The following GSE1 variants were observed in gnomAD, a reference collection of about 807,000 sequenced individuals.
GSE1 encodes the protein genetic suppressor element 1.
In GSE1, 32 loss-of-function variants were observed where a neutral mutation model predicts 112.6. The ratio of observed to expected loss-of-function variants is 0.28; its 90% CI spans 0.21 to 0.38. The LOEUF is 0.38. Ranked by LOEUF, GSE1 falls within the 10% of genes least tolerant of loss-of-function variation. The probability of loss-of-function intolerance (pLI) is 1.00; values close to 1 mark genes in which losing one functional copy is unlikely to be tolerated. For missense variants in GSE1, 2,348 were observed against 1,699.2 expected (o/e 1.38, Z -6.71); for synonymous variants, 1,115 against 735.6 (o/e 1.52, Z -8.35).
chr16:85,422,774 G>A (rs2048881041), intron 2 of GSE1, among the ~76,000 whole-genome samples: 1 of 152,060 alleles, frequency 6.6e-6, no homozygotes, highest in Admixed American at 6.6e-5. Flanking sequence ...GGGGTTTGGG[G>A]GCGCTGCTGC....
intron 2 of GSE1, among the ~76,000 whole-genome samples, chr16:85,380,581 C>T (rs1211326547): frequency 6.6e-6 from 1 of 152,102 alleles, no homozygotes; most frequent in East Asian, 1.9e-4. Context: ...TCTCATCCCT[C>T]ATGGTCGAGG....
chr16:85,663,575 A>G lies in GSE1; in HGVS notation c.2605A>G (p.Ile869Val), dbSNP rs777518874. 2 of 1,614,004 alleles carry G rather than the reference A, an allele frequency of 1.2e-6. No homozygotes were observed. The highest frequency in any genetic ancestry group is 1.1e-5 in the South Asian group (1 of 91,078). Residue 869 changes from isoleucine (I) to valine (V), a missense_variant, in exon 11 of 16, where the codon ATC becomes GTC. Transcript: ENST00000253458. ...CGAAGAAAAGAAGAAGTTCCTGACC[A>G]TCTTCAACCTGACCCACATCAGCGC... ...NFEEKKKFLT[I>V]FNLTHISAEK... is the part of the protein sequence containing the mutation.
chr16:85,269,784 C>T (rs559927315), intron 1 of GSE1, among the ~76,000 whole-genome samples: 1 of 149,322 alleles, frequency 6.7e-6, no homozygotes, highest in Non-Finnish European at 1.5e-5. Context: ...GGTCTCTGGG[C>T]TCCTCCCCTG....
chr16:85,645,453 C>T (rs1383868416), intron 2 of GSE1, among the ~76,000 whole-genome samples: 1 of 152,150 alleles, frequency 6.6e-6, no homozygotes, highest in Admixed American at 6.5e-5. Flanking sequence ...ATTAAAGAGG[C>T]CCAGATACCG....
rs2053037919 is a variant in GSE1 at position 85,668,207 on chromosome 16, T to G, written c.3198T>G (p.Pro1066=). 6.2e-7 allele frequency: 1 copy of G among 1,610,850 alleles called. No homozygotes were observed. Among genetic ancestry groups the G allele is most frequent in the Non-Finnish European group, 8.5e-7 (1 of 1,177,222 alleles). ...KVDTSVHYNI[P]ELQSSSRAPP... ...ACACGTCCGTCCACTACAACATTCCTGAGCTGCAGTCCTCCAGCCGCGCCC... is the reference window on the plus strand; with the variant it reads ...ACACGTCCGTCCACTACAACATTCCGGAGCTGCAGTCCTCCAGCCGCGCCC... Residue 1066 remains proline (P), a synonymous_variant, in exon 14 of 16, where the codon CCT becomes CCG. Coordinates refer to ENST00000253458, the MANE Select transcript of GSE1 (RefSeq NM_014615.5).
rs182356720 is a variant in GSE1, at chr16:85,349,861, A to G, written c.2284-7602A>G. 1.1e-4 allele frequency among the ~76,000 whole-genome samples: 17 copies of G among 152,174 alleles called. No individual in the cohort carries two copies. The East Asian group carries it at 3.3e-3, about 29-fold the overall frequency. On this transcript the variant is annotated intron_variant, in intron 1 of 2. Coordinates refer to the GSE1 transcript ENST00000637419. ...TGCCATTCACCAGCAGCACAAACCTACTTGCCCCAGAGTGCGGCCTGGGTT... is the reference window on the plus strand; with the variant it reads ...TGCCATTCACCAGCAGCACAAACCTGCTTGCCCCAGAGTGCGGCCTGGGTT...
At chr16:85,402,670 C>A (rs1422429562) in intron 2 of GSE1, among the ~76,000 whole-genome samples, 1 of 152,174 alleles carries the variant, frequency 6.6e-6, no homozygotes, top group Admixed American at 6.5e-5. Context: ...ACCTGTAATC[C>A]TAGCATTTCA....
intron 2 of GSE1, among the ~76,000 whole-genome samples, chr16:85,391,092 C>T (rs775784204): frequency 2.0e-5 from 3 of 152,142 alleles, no homozygotes; most frequent in Non-Finnish European, 2.9e-5. Context: ...GCACCGCCCC[C>T]CCACCGCCCC....
rs2048999072 is a variant in GSE1, at chr16:85,625,325, C to G, written c.8-8589C>G. On this transcript the variant is annotated intron_variant, in intron 1 of 15. Transcript: ENST00000253458. ...GTCCCTCGCCTCCATCCGGGAACCT[C>G]CGGGACCAGTCCGTGGCCGTGAACC... Among the ~76,000 whole-genome samples, 3 of 152,372 alleles carry G rather than the reference C, an allele frequency of 2.0e-5. No individual in the cohort carries two copies. The South Asian group carries it at 6.2e-4, about 32-fold the overall frequency.
intron 1 of GSE1, among the ~76,000 whole-genome samples, chr16:85,344,247 G>A (rs1368627795): frequency 6.6e-6 from 1 of 152,234 alleles, no homozygotes; most frequent in Non-Finnish European, 1.5e-5. Context: ...CCCTGGCTGA[G>A]GAGGAGGCAG....
At chr16:85,630,949 G>A (rs2049490496) in intron 1 of GSE1, among the ~76,000 whole-genome samples, 1 of 152,192 alleles carries the variant, frequency 6.6e-6, no homozygotes, top group African/African-American at 2.4e-5. Flanking sequence ...CTCATTGTGA[G>A]GCTGTCTTGA....
chr16:85,193,809 G>T (rs1453457470), intron 1 of GSE1, among the ~76,000 whole-genome samples: 1 of 152,192 alleles, frequency 6.6e-6, no homozygotes, highest in Non-Finnish European at 1.5e-5. Flanking sequence ...ACCTGCAGTT[G>T]TGAGAAATAA....
At chr16:85,253,178 G>C (rs1201776511) in intron 1 of GSE1, among the ~76,000 whole-genome samples, 2 of 151,788 alleles carry the variant, frequency 1.3e-5, no homozygotes, top group African/African-American at 4.8e-5. Context: ...CACGGGAGGA[G>C]GCAGGAGGAG....
intron 2 of GSE1, among the ~76,000 whole-genome samples, chr16:85,427,053 G>A (rs559511545): frequency 6.6e-6 from 1 of 152,242 alleles, no homozygotes; most frequent in East Asian, 1.9e-4. Flanking sequence ...CCACCTATGA[G>A]CCCAGACCTC....
chr16:85,308,820 G>A (rs2045750131), intron 1 of GSE1, among the ~76,000 whole-genome samples: 1 of 149,972 alleles, frequency 6.7e-6, no homozygotes, highest in Non-Finnish European at 1.5e-5. Context: ...AGCCTTCTCA[G>A]ATCCAATTTT....
At chr16:85,464,337 G>A (rs188557657) in intron 2 of GSE1, among the ~76,000 whole-genome samples, 80 of 152,246 alleles carry the variant, frequency 5.3e-4, no homozygotes, top group African/African-American at 1.6e-3. Context: ...TCTCCTGGGG[G>A]GCCGGGGTGG....
chr16:85,616,822 G>C (rs528348399), intron 1 of GSE1, among the ~76,000 whole-genome samples: 8 of 152,202 alleles, frequency 5.3e-5, no homozygotes, highest in Admixed American at 4.6e-4. Flanking sequence ...GTGACGTTTC[G>C]GAGTGTCGCT....
chr16:85,533,693 A>C (rs1361081635), intron 2 of GSE1, among the ~76,000 whole-genome samples: 1 of 151,994 alleles, frequency 6.6e-6, no homozygotes, highest in Non-Finnish European at 1.5e-5. Context: ...GAGGGACCCC[A>C]TCTCTACAAA....
At chr16:85,195,898 C>G (rs538207420) in intron 1 of GSE1, among the ~76,000 whole-genome samples, 2 of 152,294 alleles carry the variant, frequency 1.3e-5, no homozygotes, top group Non-Finnish European at 2.9e-5. Context: ...CCTGCAGCCC[C>G]TGGTCTGATA....
Sources: gnomAD v4.1 joint callset for allele counts (sites outside exome capture counted in the v4.1 genomes callset) on GRCh38, gnomAD v4.1.1 for gene constraint, MANE v1.5 for transcripts, NCBI Gene and HGNC (gene_info 2026-07-23, HGNC 2026-07-21) for gene names.